Variants in PRUNE2 observed in about 807,000 individuals in gnomAD.
PRUNE2 encodes protein prune homolog 2.
A neutral mutation model predicts 252.0 loss-of-function variants in PRUNE2; 164 were observed. The ratio of observed to expected loss-of-function variants is 0.65; its 90% CI spans 0.57 to 0.74. PRUNE2 has a LOEUF of 0.74. PRUNE2 is among the 30% of genes least tolerant of loss of function. The pLI, the probability that PRUNE2 is intolerant of heterozygous loss-of-function variation, is 0.00. For missense variants in PRUNE2, 3,495 were observed against 3,711.0 expected (o/e 0.94, Z 1.51); for synonymous variants, 1,292 against 1,350.2 (o/e 0.96, Z 0.94).
chr9:76,771,570 G>A (rs1222974935), intron 6 of PRUNE2, among the ~76,000 whole-genome samples: 2 of 152,148 alleles, frequency 1.3e-5, no homozygotes, highest in African/African-American at 2.4e-5. Flanking sequence ...GGTAATAATG[G>A]CTACTTTATC....
At chr9:76,865,629 T>C (rs1276280672) in intron 1 of PRUNE2, among the ~76,000 whole-genome samples, 7 of 152,216 alleles carry the variant, frequency 4.6e-5, no homozygotes, top group Non-Finnish European at 8.8e-5. Context: ...GGGCAGAAGA[T>C]AATTTTTAAC....
At chr9:76,697,139 TC>T (rs2045469976) in intron 9 of PRUNE2, among the ~76,000 whole-genome samples, 1 of 152,162 alleles carries the variant, frequency 6.6e-6, no homozygotes, top group Non-Finnish European at 1.5e-5. Flanking sequence ...GAGATTTTTT[TC>T]CCCCTAAAGC....
At chr9:76,794,339 G>T (rs1042564627) in intron 6 of PRUNE2, among the ~76,000 whole-genome samples, 1 of 152,168 alleles carries the variant, frequency 6.6e-6, no homozygotes, top group African/African-American at 2.4e-5. Context: ...GCCTCCGAGC[G>T]AGCGCGGTCG....
intron 9 of PRUNE2, among the ~76,000 whole-genome samples, chr9:76,686,631 A>T (rs1204011289): frequency 1.3e-5 from 2 of 152,104 alleles, no homozygotes; most frequent in South Asian, 2.1e-4. Flanking sequence ...TTTTAAAAAA[A>T]TTTTTGGTAG....
chr9:76,656,987 A>G (rs1161549395), intron 9 of PRUNE2, among the ~76,000 whole-genome samples: 1 of 152,246 alleles, frequency 6.6e-6, no homozygotes, highest in Non-Finnish European at 1.5e-5. Flanking sequence ...GAGATACACT[A>G]TGATAGGTGG....
chr9:76,758,594 G>A (rs1389670793), intron 6 of PRUNE2: 2 of 151,540 alleles, frequency 1.3e-5, no homozygotes, highest in African/African-American at 4.9e-5. Context: ...CAAGCCTCAA[G>A]GGCTGCTCCC....
At chr9:76,629,595 C>A (rs1836548249) in intron 15 of PRUNE2, among the ~76,000 whole-genome samples, 1 of 137,738 alleles carries the variant, frequency 7.3e-6, no homozygotes, top group Admixed American at 6.9e-5. Flanking sequence ...TGTATTACTT[C>A]ACATGCTTTT....
At chr9:76,811,650 G>A (rs1206177331) in intron 6 of PRUNE2, among the ~76,000 whole-genome samples, 1 of 152,084 alleles carries the variant, frequency 6.6e-6, no homozygotes, top group Non-Finnish European at 1.5e-5. Flanking sequence ...CTTTCTGAAG[G>A]TCTAGAAACA....
At chr9:76,754,431 T>C (rs2050917089) in intron 6 of PRUNE2, among the ~76,000 whole-genome samples, 1 of 152,208 alleles carries the variant, frequency 6.6e-6, no homozygotes, top group Non-Finnish European at 1.5e-5. Context: ...TAATGAATCA[T>C]CTATCCATGA....
chr9:76,690,290 T>C (rs2044571703), intron 9 of PRUNE2, among the ~76,000 whole-genome samples: 1 of 152,202 alleles, frequency 6.6e-6, no homozygotes, highest in African/African-American at 2.4e-5. Flanking sequence ...CAAATACTAC[T>C]CTGGCAGGAA....
chr9:76,667,516 A>C (rs1350106375), intron 9 of PRUNE2, among the ~76,000 whole-genome samples: 1 of 148,126 alleles, frequency 6.8e-6, no homozygotes, highest in African/African-American at 2.5e-5. Flanking sequence ...TGCCCATAAG[A>C]TAAGCTCACA....
chr9:76,654,649 G>A (rs1456410425), intron 10 of PRUNE2, among the ~76,000 whole-genome samples: 1 of 152,166 alleles, frequency 6.6e-6, no homozygotes, highest in Non-Finnish European at 1.5e-5. Flanking sequence ...TAGCCTTAGT[G>A]CCTTTATCAT....
intron 18 of PRUNE2, chr9:76,615,049 A>G (rs1828772281): frequency 1.0e-6 from 1 of 962,982 alleles, no homozygotes; most frequent in Non-Finnish European, 1.2e-6. Flanking sequence ...AAACAACACC[A>G]AACATTTTCT....
rs1011775761 is a variant in PRUNE2 at position 76,804,392 on chromosome 9, T to C, written c.756+19240A>G. ...TTTCTATTTCCAAATTCCAGTCCTT[T>C]CATTCCCTCTAAGAGGGTGAGAGGT... On this transcript the variant is annotated intron_variant, in intron 6 of 18. Coordinates refer to ENST00000376718, the MANE Select transcript of PRUNE2 (RefSeq NM_015225.3). 2.6e-5 allele frequency among the ~76,000 whole-genome samples: 4 copies of C among 152,340 alleles called. No homozygotes were observed. In the South Asian group the frequency reaches 6.2e-4, roughly 24 times the overall value.
intron 6 of PRUNE2, among the ~76,000 whole-genome samples, chr9:76,748,917 T>A (rs1197470991): frequency 6.6e-6 from 1 of 152,034 alleles, no homozygotes; most frequent in Non-Finnish European, 1.5e-5. Context: ...AACCTAGAAT[T>A]AATACGAGTG....
At chr9:76,678,349 CAAAAAAAAAAAA>C (rs58096428) in intron 9 of PRUNE2, among the ~76,000 whole-genome samples, 1 of 83,116 alleles carries the variant, frequency 1.2e-5, no homozygotes, top group African/African-American at 6.2e-5. Context: ...GAGACTCCAT[CAAAAAAAAAAAA>C]AAAAAAAAAA....
intron 4 of PRUNE2, 89 bp from the exon 5 acceptor site, chr9:76,826,821 C>T: frequency 1.9e-6 from 2 of 1,079,590 alleles, no homozygotes; most frequent in South Asian, 3.3e-5. Context: ...GCCTCTCAAT[C>T]TAAGCTTTCC....
rs767360854 is a variant in PRUNE2, at chr9:76,847,329, G to GA, written c.345-652dup. 5.5e-3 allele frequency among the ~76,000 whole-genome samples: 701 copies of GA among 128,614 alleles called. 4 individuals carry two copies. The highest frequency in any genetic ancestry group is 0.014 in the African/African-American group (476 of 35,184). The allele number at this position is 128,614 out of a possible 152,430, so 84.4% of individuals were successfully genotyped here. A position where few individuals can be genotyped will look rare whatever the true frequency, so the allele number is the denominator to read the frequency against. On this transcript the variant is annotated intron_variant, in intron 3 of 18. Coordinates refer to ENST00000376718, the MANE Select transcript of PRUNE2 (RefSeq NM_015225.3). ...CAATAGAGCGAGAATCTGTCTCAGG[G>GA]AAAAAAAAAAAAAAGAGTTCTATAA...
chr9:76,782,672 T>C (rs1216412020), intron 6 of PRUNE2: 1 of 152,218 alleles, frequency 6.6e-6, no homozygotes, highest in Non-Finnish European at 1.5e-5. Flanking sequence ...CCTAAGGAAT[T>C]ACAACACATA....
Sources: gnomAD v4.1 joint callset for allele counts (sites outside exome capture counted in the v4.1 genomes callset) on GRCh38, gnomAD v4.1.1 for gene constraint, MANE v1.5 for transcripts, NCBI Gene and HGNC (gene_info 2026-07-23, HGNC 2026-07-21) for gene names.